The following OR10K2 variants were observed in gnomAD, a reference collection of about 807,000 sequenced individuals.
The protein encoded by OR10K2 is olfactory receptor family 10 subfamily K member 2.
For missense variants in OR10K2, 401 were observed against 367.1 expected (o/e 1.09, Z -0.76); for synonymous variants, 169 against 146.4 (o/e 1.15, Z -1.11).
At chr1:158,421,141 C>T (rs1242411351) in intron 1 of OR10K2, among the ~76,000 whole-genome samples, 1 of 152,082 alleles carries the variant, frequency 6.6e-6, no homozygotes, top group Admixed American at 6.6e-5. Flanking sequence ...CCCTTCACCT[C>T]CATTCCCATC....
Position 158,420,289 on chromosome 1 carries a change from T to G in OR10K2, c.578A>C (p.His193Pro). 6.2e-7 allele frequency: 1 copy of G among 1,613,518 alleles called. No homozygotes were observed. The highest frequency in any genetic ancestry group is 8.5e-7 in the Non-Finnish European group (1 of 1,179,812). ...PVLKLASHHNHFSQIVIFMLC... is the reference protein window; with the variant it reads ...PVLKLASHHNPFSQIVIFMLC... Reference sequence around the variant, plus strand: ...CATGAAGATGACAATCTGACTAAAGTGGTTATGGTGAGATGCCAGCTTGAG... The same window carrying G: ...CATGAAGATGACAATCTGACTAAAGGGGTTATGGTGAGATGCCAGCTTGAG... The change falls in exon 2 of 2, where the codon CAC becomes CCC. Residue 193 changes from histidine (H) to proline (P), a missense_variant. Physicochemically the swap from His to Pro is moderately conservative, Grantham distance 77. Coordinates refer to ENST00000641042, the MANE Select transcript of OR10K2 (RefSeq NM_001004476.2).
At position 158,426,137 on chromosome 1, in the gene OR10K2, T is replaced by C. The variant is rs1375939388; in HGVS notation, c.-266A>G. 6.6e-6 allele frequency: 1 copy of C among 152,104 alleles called. No individual in the cohort carries two copies. Among genetic ancestry groups the C allele is most frequent in the Non-Finnish European group, 1.5e-5 (1 of 68,018 alleles). 9.4% of individuals were successfully genotyped at this position (152,104 alleles called of 1,614,324 possible). On this transcript the variant is annotated 5_prime_UTR_variant, in exon 1 of 2. Transcript: ENST00000641042. ...AAGAGACAGAATTCAAGTTGACGTG[T>C]AGAATGGAAAAAGGTCAAAATGGGT...
At chr1:158,421,030 G>C (rs1655145659) in intron 1 of OR10K2, 103 bp from the exon 2 acceptor site, 2 of 687,940 alleles carry the variant, frequency 2.9e-6, no homozygotes, top group South Asian at 3.9e-5. Context: ...TCCAAGACAT[G>C]ATGTTGCTAA....
At position 158,419,920 on chromosome 1, in the gene OR10K2, G is replaced by T; in HGVS notation, c.*8C>A. The T allele has an allele frequency of 6.2e-7, 1 of 1,602,858 alleles. No individual in the cohort carries two copies. Among genetic ancestry groups the T allele is most frequent in the Non-Finnish European group, 8.5e-7 (1 of 1,173,534 alleles). The stretch of plus-strand genomic sequence containing the variant: ...AGAAACTGCACCTGGCCAGAATCAA[G>T]ATTAATTTTACAACAGGGAAATTGT... On this transcript the variant is annotated 3_prime_UTR_variant, in exon 2 of 2. Coordinates refer to ENST00000641042, the MANE Select transcript of OR10K2 (RefSeq NM_001004476.2).
intron 1 of OR10K2, among the ~76,000 whole-genome samples, chr1:158,425,732 C>G (rs981090528): frequency 6.6e-6 from 1 of 151,862 alleles, no homozygotes; most frequent in Non-Finnish European, 1.5e-5. Context: ...TCAGAACCAA[C>G]AGAGTGCATA....
chr1:158,422,029 G>A (rs1464166969), intron 1 of OR10K2, among the ~76,000 whole-genome samples: 1 of 152,018 alleles, frequency 6.6e-6, no homozygotes, highest in Non-Finnish European at 1.5e-5. Flanking sequence ...TCTGGTGAAA[G>A]GAGTTGTTTC....
At chr1:158,420,956 G>GCC in intron 1 of OR10K2, 29 bp from the exon 2 acceptor site, 4 of 1,197,116 alleles carry the variant, frequency 3.3e-6, no homozygotes, top group Non-Finnish European at 3.5e-6. Flanking sequence ...ACAGAAAATT[G>GCC]ATCATCAGCA....
Position 158,419,967 on chromosome 1 carries a change from A to G in OR10K2, c.900T>C (p.Ala300=), listed in dbSNP as rs143743518. ...TTGTTCTTCTCACAATTTTACAAAGAGCTGATTTGAACTCTTTATTTCTCA... is the reference window on the plus strand; with the variant it reads ...TTGTTCTTCTCACAATTTTACAAAGGGCTGATTTGAACTCTTTATTTCTCA... ...YSLRNKEFKS[A]LCKIVRRTIS... Residue 300 remains alanine (A), a synonymous_variant, in exon 2 of 2, where the codon GCT becomes GCC. Coordinates refer to ENST00000641042, the MANE Select transcript of OR10K2 (RefSeq NM_001004476.2). 3 of 1,612,220 alleles carry G rather than the reference A, an allele frequency of 1.9e-6. No homozygotes were observed. The highest frequency in any genetic ancestry group is 2.7e-5 in the African/African-American group (2 of 74,806).
intron 1 of OR10K2, among the ~76,000 whole-genome samples, chr1:158,425,467 T>TAGG (rs1655234532): frequency 6.6e-6 from 1 of 152,152 alleles, no homozygotes; most frequent in Admixed American, 6.6e-5. Context: ...AGCAGTTACT[T>TAGG]ACGGTGTTCT....
intron 1 of OR10K2, among the ~76,000 whole-genome samples, chr1:158,425,512 G>A (rs1655235413): frequency 6.6e-6 from 1 of 151,956 alleles, no homozygotes; most frequent in African/African-American, 2.4e-5. Flanking sequence ...TAGTGTTTTT[G>A]CCTGTTTCTG....
rs1464813793 is a variant in OR10K2 at position 158,420,368 on chromosome 1, G to A, written c.499C>T (p.Pro167Ser). Residue 167 changes from proline (P) to serine (S), a missense_variant, in exon 2 of 2, where the codon CCT becomes TCT. Coordinates refer to ENST00000641042, the MANE Select transcript of OR10K2 (RefSeq NM_001004476.2). ...QIITSLVFHL[P>S]FYSSNQLHHF... ...TGTAGTTGATTGGAGGAATAAAAAG[G>A]CAGGTGAAATACCAAGGATGTGATG... 3.1e-6 allele frequency: 5 copies of A among 1,613,760 alleles called. No individual in the cohort carries two copies. Among genetic ancestry groups the A allele is most frequent in the Non-Finnish European group, 4.2e-6 (5 of 1,179,922 alleles).
rs967497494 is a variant in OR10K2 at position 158,419,071 on chromosome 1, T to C, written c.*857A>G. 1 of 153,838 alleles carries C rather than the reference T, an allele frequency of 6.5e-6. No homozygotes were observed. Among genetic ancestry groups the C allele is most frequent in the Non-Finnish European group, 1.5e-5 (1 of 68,158 alleles). The allele number at this position is 153,838 out of a possible 1,614,324, so 9.5% of individuals were successfully genotyped here. On this transcript the variant is annotated 3_prime_UTR_variant, in exon 2 of 2. Coordinates refer to ENST00000641042, the MANE Select transcript of OR10K2 (RefSeq NM_001004476.2). ...ATACAAAATTAGAAATGATCGTATT[T>C]CATTAATACACTAGAAGCATGGAAA...
Position 158,420,416 on chromosome 1 carries a change from A to T in OR10K2, c.451T>A (p.Cys151Ser). 6.2e-7 allele frequency: 1 copy of T among 1,613,938 alleles called. No individual in the cohort carries two copies. Among genetic ancestry groups the T allele is most frequent in the Non-Finnish European group, 8.5e-7 (1 of 1,179,932 alleles). ...CMGLVAAACACGFTVAQIITS... is the reference protein window; with the variant it reads ...CMGLVAAACASGFTVAQIITS... ...ATGATCTGTGCAACAGTGAAGCCAC[A>T]GGCACAGGCAGCAGCCACTAGTCCC... Residue 151 changes from cysteine (C) to serine (S), a missense_variant, in exon 2 of 2, where the codon TGT becomes AGT. By Grantham distance (112) the Cys-to-Ser change is moderately radical. Transcript: ENST00000641042.
Position 158,419,824 on chromosome 1 carries a change from C to T in OR10K2, c.*104G>A. ...ATAGGATTTCACTATGTTGGCCAGG[C>T]TGGTCTTGAAGTCCTGACCTCAGGT... is the stretch of plus-strand genomic sequence containing the variant. On this transcript the variant is annotated 3_prime_UTR_variant, in exon 2 of 2. Coordinates refer to ENST00000641042, the MANE Select transcript of OR10K2 (RefSeq NM_001004476.2). 1.2e-6 allele frequency: 1 copy of T among 851,094 alleles called. No homozygotes were observed. The highest frequency in any genetic ancestry group is 1.8e-6 in the Non-Finnish European group (1 of 543,794). 52.7% of individuals were successfully genotyped at this position (851,094 alleles called of 1,614,324 possible). A position where few individuals can be genotyped will look rare whatever the true frequency, so the allele number is the denominator to read the frequency against.
chr1:158,426,190 T>C lies in OR10K2; in HGVS notation c.-319A>G, dbSNP rs1259180218. On this transcript the variant is annotated 5_prime_UTR_variant, in exon 1 of 2. Transcript: ENST00000641042. The stretch of plus-strand genomic sequence containing the variant: ...CAGGCTACTGATATTTACTCAGAGG[T>C]AGAGATGTGATGATGGTCTATGGTC... The C allele has an allele frequency of 6.6e-6, 1 of 151,916 alleles. No homozygotes were observed. Among genetic ancestry groups the C allele is most frequent in the African/African-American group, 2.4e-5 (1 of 41,354 alleles). The allele number at this position is 151,916 out of a possible 1,614,324, so 9.4% of individuals were successfully genotyped here.
rs1377845702 is a variant in OR10K2 at position 158,420,007 on chromosome 1, G to T, written c.860C>A (p.Pro287Gln). The T allele has an allele frequency of 6.2e-7, 1 of 1,613,064 alleles. No homozygotes were observed. Among genetic ancestry groups the T allele is most frequent in the East Asian group, 2.2e-5 (1 of 44,836 alleles). ...SYTIITPLFN[P>Q]MIYSLRNKEF... ...TTTATTTCTCAAGCTATAAATCATT[G>T]GGTTGAACAATGGAGTTATAATAGT... Residue 287 changes from proline to glutamine, a missense_variant, in exon 2 of 2, where the codon CCA (proline) becomes CAA (glutamine). Physicochemically the swap from Pro to Gln is moderately conservative, Grantham distance 76. Coordinates refer to ENST00000641042, the MANE Select transcript of OR10K2 (RefSeq NM_001004476.2).
In OR10K2 at chr1:158,420,609, C is replaced by T. The variant is rs1241217360; in HGVS notation, c.258G>A (p.Leu86=). 5.0e-6 allele frequency: 8 copies of T among 1,613,884 alleles called. No individual in the cohort carries two copies. The highest frequency in any genetic ancestry group is 6.8e-6 in the Non-Finnish European group (8 of 1,179,918). The change falls in exon 2 of 2, where the codon CTG becomes CTA. Residue 86 remains leucine (L), a synonymous_variant. Transcript: ENST00000641042. ...GGAAAGAAATGGTCTTCTTCTGGGA[C>T]AGCAGGTCAACCAGCATCTTGGGTA... ...IIVPKMLVDL[L]SQKKTISFLG... is the part of the protein sequence containing the mutation.
chr1:158,421,962 A>G (rs775108244), intron 1 of OR10K2, among the ~76,000 whole-genome samples: 14 of 152,042 alleles, frequency 9.2e-5, no homozygotes, highest in African/African-American at 1.4e-4. Context: ...CAGATATTTT[A>G]TGGTTCTTCT....
chr1:158,420,228 C>T lies in OR10K2; in HGVS notation c.639G>A (p.Leu213=). 1 of 1,613,652 alleles carries T rather than the reference C, an allele frequency of 6.2e-7. No homozygotes were observed. Among genetic ancestry groups the T allele is most frequent in the South Asian group, 1.1e-5 (1 of 91,056 alleles). The part of the protein sequence containing the change: ...CTLVLAIPLL[L]ILVSYVHILS... ...GGATGTGAACATAGGACACCAAGAT[C>T]AACAATAAGGGGATAGCCAGGACCA... Residue 213 remains leucine, a synonymous_variant, in exon 2 of 2, where the codon TTG becomes TTA. Transcript: ENST00000641042.
Sources: gnomAD v4.1 joint callset for allele counts (sites outside exome capture counted in the v4.1 genomes callset) on GRCh38, gnomAD v4.1.1 for gene constraint, MANE v1.5 for transcripts, NCBI Gene and HGNC (gene_info 2026-07-23, HGNC 2026-07-21) for gene names.